The following INSL6 variants were observed in gnomAD, a reference collection of about 807,000 sequenced individuals.
INSL6 encodes the protein insulin-like peptide INSL6.
In INSL6, 16 loss-of-function variants were observed where a neutral mutation model predicts 9.4. The observed-to-expected ratio is 1.70, with a 90% CI of 1.15 to 2.59. The LOEUF (loss-of-function observed/expected upper bound fraction) is 2.59. Among genes scored for constraint, INSL6 ranks in the 30% most tolerant of loss-of-function variants. INSL6 has a pLI of 0.00. For synonymous variants in INSL6, 154 were observed against 96.9 expected (o/e 1.59, Z -3.46); for missense variants, 391 against 257.3 (o/e 1.52, Z -3.56).
At chr9:5,176,670 T>C (rs758448613) in intron 1 of INSL6, among the ~76,000 whole-genome samples, 2 of 151,042 alleles carry the variant, frequency 1.3e-5, no homozygotes, top group Non-Finnish European at 2.9e-5. Flanking sequence ...CTAATGGAGA[T>C]ATTTAAATGC....
At chr9:5,118,911 ATC>A (rs1249710809), downstream of INSL6, among the ~76,000 whole-genome samples, 3 of 152,200 alleles carry the variant, frequency 2.0e-5, no homozygotes, top group Non-Finnish European at 4.4e-5. Context: ...CATCAGGTTC[ATC>A]TGTTTTCTCA....
chr9:5,152,046 T>A (rs1824723260), intron 2 of INSL6, among the ~76,000 whole-genome samples: 2 of 152,112 alleles, frequency 1.3e-5, no homozygotes, highest in African/African-American at 4.8e-5. Context: ...AAAAATGATA[T>A]GCAGCTAGCA....
At chr9:5,160,491 T>A (rs1282029418), downstream of INSL6, among the ~76,000 whole-genome samples, 1 of 152,002 alleles carries the variant, frequency 6.6e-6, no homozygotes, top group Non-Finnish European at 1.5e-5. Flanking sequence ...AGTGCCTACA[T>A]CAGAAAGGCA....
At chr9:5,022,328 T>C in the INSL6 span, 1 of 634,230 alleles carries the variant, frequency 1.6e-6, no homozygotes. Flanking sequence ...CTTGTATGGC[T>C]GGCGTGTGTG....
the INSL6 span, among the ~76,000 whole-genome samples, chr9:5,084,076 GT>G: frequency 6.6e-6 from 1 of 151,966 alleles, no homozygotes; most frequent in Non-Finnish European, 1.5e-5. Flanking sequence ...CATTTTTAGT[GT>G]TTTCCATAGT....
chr9:5,031,956 C>T, the INSL6 span, among the ~76,000 whole-genome samples: 13 of 152,314 alleles, frequency 8.5e-5, no homozygotes, highest in South Asian at 1.0e-3. Flanking sequence ...CGAAGCAGGG[C>T]GAGGCATCGC....
At chr9:5,044,688 C>T in the INSL6 span, among the ~76,000 whole-genome samples, 1 of 152,080 alleles carries the variant, frequency 6.6e-6, no homozygotes, top group Non-Finnish European at 1.5e-5. Context: ...AGTTTTTAAT[C>T]CCATGGTTTA....
At chr9:5,150,846 G>GAC (rs59479266) in intron 2 of INSL6, among the ~76,000 whole-genome samples, 15,254 of 146,254 alleles carry the variant, frequency 0.1, 764 homozygotes, top group Middle Eastern at 0.12. Flanking sequence ...GGATAAAGGA[G>GAC]ACACACACAC....
At chr9:5,160,556 C>A (rs1030005046), downstream of INSL6, among the ~76,000 whole-genome samples, 6 of 152,026 alleles carry the variant, frequency 3.9e-5, no homozygotes, top group East Asian at 1.9e-4. Flanking sequence ...AAAGCAAGAG[C>A]AAGCCAAACC....
the INSL6 span, among the ~76,000 whole-genome samples, chr9:5,102,981 A>G: frequency 1.5e-3 from 234 of 152,270 alleles, 1 homozygote; most frequent in African/African-American, 5.2e-3. Flanking sequence ...AAGAAACAGC[A>G]TCAACTAACG....
chr9:5,070,147 T>C, the INSL6 span: 1 of 823,018 alleles, frequency 1.2e-6, no homozygotes, highest in Admixed American at 3.3e-5. Context: ...AATTATTTTG[T>C]TATATACAAA....
the INSL6 span, among the ~76,000 whole-genome samples, chr9:5,024,093 A>G: frequency 5.3e-5 from 8 of 152,178 alleles, no homozygotes; most frequent in African/African-American, 1.9e-4. Flanking sequence ...CATCTCTGCT[A>G]AAAATACAAA....
chr9:5,057,355 T>C, the INSL6 span, among the ~76,000 whole-genome samples: 1 of 152,064 alleles, frequency 6.6e-6, no homozygotes, highest in Non-Finnish European at 1.5e-5. Flanking sequence ...CATTTTCCTC[T>C]TCATTCTGGC....
At chr9:5,146,109 AC>A (rs1824597547) in intron 2 of INSL6, among the ~76,000 whole-genome samples, 1 of 148,734 alleles carries the variant, frequency 6.7e-6, no homozygotes, top group Non-Finnish European at 1.5e-5. Context: ...GAGGTTGTTA[AC>A]CTTTGGGTTT....
chr9:5,041,067 C>T, the INSL6 span: 1 of 692,248 alleles, frequency 1.4e-6, no homozygotes, highest in Admixed American at 2.1e-5. Flanking sequence ...GGGCGTCCCT[C>T]AGGTCTACTA....
intron 2 of INSL6, among the ~76,000 whole-genome samples, chr9:5,153,150 T>A (rs1824744370): frequency 6.6e-6 from 1 of 152,024 alleles, no homozygotes; most frequent in Non-Finnish European, 1.5e-5. Flanking sequence ...AGTTTTTTTT[T>A]TTTTCATACC....
At chr9:5,069,829 T>C in the INSL6 span, 9 of 642,250 alleles carry the variant, frequency 1.4e-5, no homozygotes, top group Non-Finnish European at 2.1e-5. Context: ...ATTAAGCATT[T>C]CTTATACGTA....
At chr9:5,140,619 C>G (rs561389000) in intron 2 of INSL6, among the ~76,000 whole-genome samples, 2 of 152,088 alleles carry the variant, frequency 1.3e-5, no homozygotes, top group African/African-American at 2.4e-5. Flanking sequence ...CCAACTTTCT[C>G]CATTTCCTAC....
chr9:5,011,794 A>G, the INSL6 span, among the ~76,000 whole-genome samples: 3 of 152,334 alleles, frequency 2.0e-5, no homozygotes, highest in Middle Eastern at 3.4e-3. Context: ...TTACTAGCAG[A>G]CCAACTTGAT....
Sources: allele counts gnomAD v4.1 joint callset (sites outside exome capture counted in the v4.1 genomes callset), GRCh38; gene constraint gnomAD v4.1.1; transcripts MANE v1.5; gene names NCBI Gene and HGNC (gene_info 2026-07-23, HGNC 2026-07-21).